Variants in SETBP1 observed in about 807,000 individuals in gnomAD.
SETBP1 encodes the protein SET-binding protein.
SETBP1 carries 9 observed loss-of-function variants against 101.0 expected under a neutral mutation model. The ratio of observed to expected loss-of-function variants is 0.09; its 90% CI spans 0.05 to 0.16. The LOEUF (loss-of-function observed/expected upper bound fraction) is 0.16, where lower values mean the gene tolerates loss of function less well. Ranked by LOEUF, SETBP1 falls within the 10% of genes least tolerant of loss-of-function variation. The pLI, the probability that SETBP1 is intolerant of heterozygous loss-of-function variation, is 1.00. For synonymous variants in SETBP1, 818 were observed against 788.5 expected, an observed-to-expected ratio of 1.04 and a Z score of -0.63; for missense variants, 1,858 against 2,033.8, an observed-to-expected ratio of 0.91 and a Z score of 1.66.
rs556937336 is a variant in SETBP1 at position 44,781,513 on chromosome 18, C to T, written c.486+79681C>T. Among the ~76,000 whole-genome samples, 139 of 150,468 alleles carry T rather than the reference C, an allele frequency of 9.2e-4. 1 individual carries two copies. Among genetic ancestry groups the T allele is most frequent in the African/African-American group, 3.2e-3 (130 of 40,746 alleles). ...TCTCTCTCCCTCTCCCCCCCACCCC[C>T]ACCTCTGTCTCTCTCTATATCTCAG... On this transcript the variant is annotated intron_variant, in intron 2 of 5. Transcript: ENST00000649279.
intron 2 of SETBP1, among the ~76,000 whole-genome samples, chr18:44,790,967 G>A (rs1049979116): frequency 6.6e-6 from 1 of 152,122 alleles, no homozygotes; most frequent in Non-Finnish European, 1.5e-5. Context: ...TTTCAGAAAT[G>A]CTAATTGAAT....
intron 5 of SETBP1, among the ~76,000 whole-genome samples, chr18:45,049,010 A>AAAAT (rs1318147199): frequency 6.7e-6 from 1 of 150,208 alleles, no homozygotes; most frequent in South Asian, 2.1e-4. Flanking sequence ...AAAAAAATAG[A>AAAAT]AGATTAGCCC....
intron 2 of SETBP1, among the ~76,000 whole-genome samples, chr18:44,784,740 G>A (rs975349064): frequency 1.3e-5 from 2 of 152,160 alleles, no homozygotes; most frequent in Non-Finnish European, 2.9e-5. Flanking sequence ...CATGTTGACC[G>A]AAATAAACAT....
intron 2 of SETBP1, among the ~76,000 whole-genome samples, chr18:44,737,734 G>A (rs756566962): frequency 3.5e-4 from 54 of 152,202 alleles, no homozygotes; most frequent in Non-Finnish European, 7.1e-4. Flanking sequence ...TAGGCAGTGA[G>A]TTTCCAATAG....
intron 3 of SETBP1, among the ~76,000 whole-genome samples, chr18:44,887,857 TCAAA>T (rs1210786186): frequency 1.3e-5 from 2 of 151,900 alleles, no homozygotes; most frequent in African/African-American, 4.8e-5. Context: ...GCAGAGGTGG[TCAAA>T]CAAAGATCAT....
At chr18:44,747,074 T>C (rs1249780962) in intron 2 of SETBP1, among the ~76,000 whole-genome samples, 1 of 152,228 alleles carries the variant, frequency 6.6e-6, no homozygotes, top group Non-Finnish European at 1.5e-5. Flanking sequence ...AATGCTGTGC[T>C]GCAAGCACTT....
At chr18:44,946,191 T>C (rs764051798) in intron 3 of SETBP1, among the ~76,000 whole-genome samples, 9 of 152,204 alleles carry the variant, frequency 5.9e-5, no homozygotes, top group Admixed American at 3.3e-4. Context: ...CCATTACTCC[T>C]GATCCTTTGT....
At chr18:45,031,936 T>C (rs1414350687) in intron 4 of SETBP1, among the ~76,000 whole-genome samples, 2 of 152,094 alleles carry the variant, frequency 1.3e-5, no homozygotes, top group African/African-American at 4.8e-5. Context: ...TCAGTATTTG[T>C]TTTTTTACAA....
At chr18:44,833,248 A>G (rs183710284) in intron 2 of SETBP1, among the ~76,000 whole-genome samples, 2 of 152,180 alleles carry the variant, frequency 1.3e-5, no homozygotes, top group African/African-American at 4.8e-5. Flanking sequence ...TTTCTGACAC[A>G]TGTTCAAGTT....
chr18:44,988,715 C>T (rs552259748), intron 4 of SETBP1: 14 of 152,160 alleles, frequency 9.2e-5, no homozygotes, highest in African/African-American at 3.1e-4. Flanking sequence ...CCAAAAATTC[C>T]TTTCAAAGAG....
At chr18:45,007,356 A>C (rs1256024530) in intron 4 of SETBP1, among the ~76,000 whole-genome samples, 2 of 152,148 alleles carry the variant, frequency 1.3e-5, no homozygotes, top group Non-Finnish European at 2.9e-5. Flanking sequence ...ACTTGCTAGA[A>C]AACAATACAC....
At chr18:45,049,144 G>T (rs2073678546) in intron 5 of SETBP1, among the ~76,000 whole-genome samples, 1 of 152,124 alleles carries the variant, frequency 6.6e-6, no homozygotes, top group Non-Finnish European at 1.5e-5. Context: ...CTATTATTCA[G>T]CAATTGGTTG....
intron 2 of SETBP1, among the ~76,000 whole-genome samples, chr18:44,852,783 G>A (rs2072899314): frequency 6.6e-6 from 1 of 152,182 alleles, no homozygotes; most frequent in South Asian, 2.1e-4. Context: ...TGCCATGTAA[G>A]CATCTACCAG....
At chr18:44,780,211 G>T (rs2071097149) in intron 2 of SETBP1, among the ~76,000 whole-genome samples, 1 of 152,118 alleles carries the variant, frequency 6.6e-6, no homozygotes, top group Non-Finnish European at 1.5e-5. Context: ...AATCCCCAAG[G>T]TTCCAGAAAT....
intron 3 of SETBP1, among the ~76,000 whole-genome samples, chr18:44,900,714 G>A (rs1408409832): frequency 6.6e-6 from 1 of 152,138 alleles, no homozygotes; most frequent in Non-Finnish European, 1.5e-5. Context: ...ATTACTCTGG[G>A]GATTGGTCCC....
chr18:44,858,941 C>T (rs1478949503), intron 2 of SETBP1, among the ~76,000 whole-genome samples: 2 of 152,026 alleles, frequency 1.3e-5, no homozygotes, highest in East Asian at 3.9e-4. Context: ...CTATCTCCTT[C>T]CCATTATTGG....
At chr18:45,043,487 A>T (rs7234298) in intron 5 of SETBP1, among the ~76,000 whole-genome samples, 19,310 of 151,996 alleles carry the variant, frequency 0.13, 1,858 homozygotes, top group African/African-American at 0.27. Flanking sequence ...ATTGGATCTC[A>T]ACTGCTCGAG....
intron 2 of SETBP1, among the ~76,000 whole-genome samples, chr18:44,738,540 G>C (rs371708405): frequency 6.6e-6 from 1 of 152,088 alleles, no homozygotes; most frequent in Non-Finnish European, 1.5e-5. Flanking sequence ...TTGGGAGGCC[G>C]AGGCAGGCAG....
intron 4 of SETBP1, among the ~76,000 whole-genome samples, chr18:45,034,977 G>T (rs1185666195): frequency 6.7e-6 from 1 of 150,368 alleles, no homozygotes; most frequent in Non-Finnish European, 1.5e-5. Context: ...GGTTCATGCT[G>T]GGAAGAAACG....
Sources: allele counts gnomAD v4.1 joint callset (sites outside exome capture counted in the v4.1 genomes callset), GRCh38; gene constraint gnomAD v4.1.1; transcripts MANE v1.5; gene names NCBI Gene and HGNC (gene_info 2026-07-23, HGNC 2026-07-21).